AVEN: variants seen among roughly 807,000 people sequenced by gnomAD.
The protein encoded by AVEN is apoptosis and caspase activation inhibitor.
Under a neutral mutation model 38.1 loss-of-function variants are expected in AVEN, and 41 were observed. The observed-to-expected ratio is 1.08, with a 90% CI of 0.84 to 1.40. The LOEUF is 1.40. Ranked by LOEUF, AVEN falls within the 40% of genes most tolerant of loss-of-function variation. AVEN has a pLI of 0.00. For synonymous variants in AVEN, 206 were observed against 171.8 expected, an observed-to-expected ratio of 1.20 and a Z score of -1.56; for missense variants, 605 against 438.8, an observed-to-expected ratio of 1.38 and a Z score of -3.38.
At chr15:33,925,341 C>G (rs756742413) in intron 2 of AVEN, among the ~76,000 whole-genome samples, 11 of 152,154 alleles carry the variant, frequency 7.2e-5, no homozygotes, top group Non-Finnish European at 1.2e-4. Flanking sequence ...AAGATAAAAC[C>G]AGGACTGTTC....
At chr15:33,876,118 G>T in intron 2 of AVEN, 123 bp from the exon 3 acceptor site, 1 of 774,076 alleles carries the variant, frequency 1.3e-6, no homozygotes, top group Non-Finnish European at 2.1e-6. Flanking sequence ...GAGAGGCAAG[G>T]ATAAAACTGG....
intron 5 of AVEN, 27 bp from the exon 6 acceptor site, chr15:33,866,755 C>A: frequency 6.6e-7 from 1 of 1,508,086 alleles, no homozygotes; most frequent in Non-Finnish European, 9.2e-7. Flanking sequence ...AATGTTAACA[C>A]CCTCAGATGA....
chr15:33,853,714 C>G, the AVEN span: 5 of 1,602,276 alleles, frequency 3.1e-6, no homozygotes, highest in African/African-American at 6.7e-5. Context: ...AAATCCAAAG[C>G]AGCTAAAATA....
At chr15:33,865,447 A>G (rs555347813), downstream of AVEN, 2 of 494,038 alleles carry the variant, frequency 4.0e-6, no homozygotes, top group East Asian at 6.3e-5. Flanking sequence ...CGAAGAAGGA[A>G]GGCGAAGAAT....
At chr15:34,065,141 G>A (rs1397976764) in intron 4 of AVEN, 2 of 159,894 alleles carry the variant, frequency 1.3e-5, no homozygotes, top group Admixed American at 6.5e-5. Context: ...TATCTAAACA[G>A]ATATTGTGCA....
At chr15:33,853,536 C>G in the AVEN span, 3 of 1,612,100 alleles carry the variant, frequency 1.9e-6, no homozygotes, top group Admixed American at 1.7e-5. Flanking sequence ...TGAGCTCACC[C>G]TGTCATCCTT....
chr15:34,046,011 T>C (rs745715446), intron 5 of AVEN, among the ~76,000 whole-genome samples: 11 of 152,092 alleles, frequency 7.2e-5, no homozygotes, highest in Non-Finnish European at 1.2e-4. Context: ...ATACTCTAGA[T>C]GGTGGGATGA....
the AVEN span, chr15:33,853,599 T>C: frequency 6.2e-7 from 1 of 1,614,020 alleles, no homozygotes; most frequent in African/African-American, 1.3e-5. Flanking sequence ...AACGCATTGC[T>C]GAACTTCTGG....
At position 34,038,882 on chromosome 15, in the gene AVEN, A is replaced by C. The variant is rs1199602571; in HGVS notation, c.165T>G (p.Arg55=). 5 of 1,139,196 alleles carry C rather than the reference A, an allele frequency of 4.4e-6. No homozygotes were observed. The highest frequency in any genetic ancestry group is 5.4e-6 in the Non-Finnish European group (5 of 933,246). 70.6% of individuals were successfully genotyped at this position (1,139,196 alleles called of 1,614,324 possible). A position where few individuals can be genotyped will look rare whatever the true frequency, so the allele number is the denominator to read the frequency against. The part of the protein sequence containing the change: ...GDGGGRRGRG[R]GRGFRGARGG... ...CGCGAGCGCCGCGGAAGCCCCGGCC[A>C]CGGCCACGGCCCCGGCGTCCGCCTC... Residue 55 remains arginine (R), a synonymous_variant, in exon 1 of 6, where the codon CGT becomes CGG. Transcript: ENST00000306730.
chr15:33,971,523 A>C (rs905800622), intron 2 of AVEN, among the ~76,000 whole-genome samples: 2 of 152,100 alleles, frequency 1.3e-5, no homozygotes, highest in African/African-American at 4.8e-5. Context: ...TGTTGACATA[A>C]CAATCTTAAA....
intron 2 of AVEN, among the ~76,000 whole-genome samples, chr15:33,938,998 C>T (rs1459938594): frequency 2.6e-5 from 4 of 152,146 alleles, no homozygotes; most frequent in African/African-American, 4.8e-5. Flanking sequence ...CCCACCATTA[C>T]GCCCGGCTAA....
intron 4 of AVEN, chr15:34,064,257 T>C (rs1362521607): frequency 1.9e-6 from 3 of 1,613,172 alleles, no homozygotes; most frequent in Admixed American, 1.7e-5. Context: ...TCTCTGCCGA[T>C]GGAAAAAGAA....
intron 2 of AVEN, among the ~76,000 whole-genome samples, chr15:33,995,395 G>A (rs1431781779): frequency 6.6e-6 from 1 of 152,172 alleles, no homozygotes; most frequent in African/African-American, 2.4e-5. Flanking sequence ...ATTTAAAGAT[G>A]ATTTAAAGTA....
intron 2 of AVEN, among the ~76,000 whole-genome samples, chr15:33,935,939 A>G (rs919928849): frequency 5.9e-5 from 9 of 152,214 alleles, no homozygotes; most frequent in Non-Finnish European, 1.3e-4. Context: ...TTAGTTTTGT[A>G]ATAGTGTACT....
At chr15:34,073,707 G>A (rs907793485) in intron 1 of AVEN, among the ~76,000 whole-genome samples, 2 of 151,342 alleles carry the variant, frequency 1.3e-5, no homozygotes, top group Non-Finnish European at 2.9e-5. Flanking sequence ...TTTTAGTAGA[G>A]ATGGGGTCTC....
chr15:33,861,038 T>A (rs777514266), intron 11 of AVEN: 1 of 1,415,220 alleles, frequency 7.1e-7, no homozygotes. Context: ...CTGCCTATAT[T>A]ATGCCAACAA....
intron 2 of AVEN, among the ~76,000 whole-genome samples, chr15:33,908,794 CAAAT>C (rs1241777084): frequency 1.3e-5 from 2 of 152,028 alleles, no homozygotes; most frequent in Non-Finnish European, 2.9e-5. Flanking sequence ...TTTAAAAAGA[CAAAT>C]AATTCAGTTA....
At chr15:33,973,477 C>CA (rs1895728349) in intron 2 of AVEN, among the ~76,000 whole-genome samples, 1 of 152,176 alleles carries the variant, frequency 6.6e-6, no homozygotes, top group Non-Finnish European at 1.5e-5. Context: ...GTAATACCTA[C>CA]AGAAGAGCTT....
At chr15:33,864,051 C>T, downstream of AVEN, 1 of 965,340 alleles carries the variant, frequency 1.0e-6, no homozygotes, top group Admixed American at 2.0e-5. Flanking sequence ...GACCAACTAG[C>T]CTTTCTGAGC....
Sources: gnomAD v4.1 joint callset for allele counts (sites outside exome capture counted in the v4.1 genomes callset) on GRCh38, gnomAD v4.1.1 for gene constraint, MANE v1.5 for transcripts, NCBI Gene and HGNC (gene_info 2026-07-23, HGNC 2026-07-21) for gene names.